TMEFF1: variants seen among roughly 807,000 people sequenced by gnomAD.
The protein encoded by TMEFF1 is tomoregulin-1.
In TMEFF1, 20 loss-of-function variants were observed where a neutral mutation model predicts 47.5. The ratio of observed to expected loss-of-function variants is 0.42; its 90% CI spans 0.30 to 0.61. The LOEUF is 0.61. Ranked by LOEUF, TMEFF1 falls within the 20% of genes least tolerant of loss-of-function variation. TMEFF1 has a pLI of 0.19. For synonymous variants in TMEFF1, 162 were observed against 166.3 expected, an observed-to-expected ratio of 0.97 and a Z score of 0.20; for missense variants, 411 against 471.1, an observed-to-expected ratio of 0.87 and a Z score of 1.18.
chr9:100,500,054 G>A (rs1348413612), intron 2 of TMEFF1, among the ~76,000 whole-genome samples: 1 of 152,120 alleles, frequency 6.6e-6, no homozygotes, highest in Admixed American at 6.5e-5. Context: ...CTGTTGGCTG[G>A]AGACATCATT....
intron 5 of TMEFF1, among the ~76,000 whole-genome samples, chr9:100,525,533 A>G (rs1175897388): frequency 2.0e-5 from 3 of 152,140 alleles, no homozygotes; most frequent in African/African-American, 7.2e-5. Flanking sequence ...TGCACCACCG[A>G]GATGTGCTCC....
Position 100,572,524 on chromosome 9 carries a change from A to C in TMEFF1, c.906A>C (p.Glu302Asp). 6.3e-7 allele frequency: 1 copy of C among 1,584,494 alleles called. No homozygotes were observed. The highest frequency in any genetic ancestry group is 8.6e-7 in the Non-Finnish European group (1 of 1,168,218). ...YSTQKASCRC[E>D]SGYTGQHCEK... ...ATATATTTTTCCTTTTCAGATGTGA[A>C]TCTGGCTACACTGGACAGCACTGTG... is the stretch of plus-strand genomic sequence containing the variant. Residue 302 changes from glutamate to aspartate, a missense_variant, in exon 9 of 10, where the codon GAA (glutamate) becomes GAC (aspartate). Physicochemically the swap from Glu to Asp is conservative, Grantham distance 45 (BLOSUM62 2). Coordinates refer to ENST00000374879, the MANE Select transcript of TMEFF1 (RefSeq NM_003692.5).
Position 100,473,224 on chromosome 9 carries a change from C to A in TMEFF1, c.-321C>A. On this transcript the variant is annotated 5_prime_UTR_variant, in exon 1 of 10. Transcript: ENST00000374879. The surrounding 1 kb of genome is among the most constrained non-coding windows in gnomAD (Gnocchi z 5.4). ...GGCGAGCAAGAGGCTGGGCCTGCCT[C>A]CGGCCCGCGACCCCCGCCCGCCGCG... The A allele has an allele frequency of 6.7e-6, 1 of 149,864 alleles. No individual in the cohort carries two copies. The highest frequency in any genetic ancestry group is 1.8e-4 in the South Asian group (1 of 5,526). The allele number at this position is 149,864 out of a possible 1,614,324, so 9.3% of individuals were successfully genotyped here.
At chr9:100,534,502 AC>A (rs1215666682) in intron 5 of TMEFF1, among the ~76,000 whole-genome samples, 1 of 151,892 alleles carries the variant, frequency 6.6e-6, no homozygotes, top group Non-Finnish European at 1.5e-5. Context: ...GGGCATCCTG[AC>A]CTCTGCTACG....
intron 5 of TMEFF1, among the ~76,000 whole-genome samples, chr9:100,539,337 G>A (rs1838578771): frequency 6.6e-6 from 1 of 152,168 alleles, no homozygotes; most frequent in African/African-American, 2.4e-5. Context: ...GTCCGGAATT[G>A]GTGGGTTTTT....
At position 100,473,635 on chromosome 9, in the gene TMEFF1, G is replaced by A; in HGVS notation, c.91G>A (p.Ala31Thr). 6.4e-7 allele frequency: 1 copy of A among 1,557,198 alleles called. No individual in the cohort carries two copies. The highest frequency in any genetic ancestry group is 8.7e-7 in the Non-Finnish European group (1 of 1,151,646). ...CTACACGTCGGTGCTTCTGCTCTTC[G>A]CCTTCTCTCTGCCCGGGAGCCGCGC... ...CCYTSVLLLF[A>T]FSLPGSRASN... Residue 31 changes from alanine (A) to threonine (T), a missense_variant, in exon 1 of 10, where the codon GCC becomes ACC. Ala to Thr is a moderately conservative substitution (Grantham distance 58, BLOSUM62 0). Transcript: ENST00000374879. The surrounding 1 kb of genome is among the most constrained non-coding windows in gnomAD (Gnocchi z 5.4).
At chr9:100,531,426 AT>A (rs1243603484) in intron 5 of TMEFF1, among the ~76,000 whole-genome samples, 2 of 152,208 alleles carry the variant, frequency 1.3e-5, no homozygotes, top group African/African-American at 4.8e-5. Context: ...AATCACAAGC[AT>A]TCTTATACAC....
At chr9:100,549,963 T>C in intron 6 of TMEFF1, 132 bp from the exon 7 acceptor site, 1 of 1,046,148 alleles carries the variant, frequency 9.6e-7, no homozygotes. Context: ...ATTTAGAGAA[T>C]GGTAGACAAC....
chr9:100,570,956 T>C (rs1839228002), intron 8 of TMEFF1, among the ~76,000 whole-genome samples: 1 of 152,172 alleles, frequency 6.6e-6, no homozygotes, highest in Non-Finnish European at 1.5e-5. Flanking sequence ...ATGTAAATTG[T>C]CTGTTAAGTG....
At chr9:100,550,802 A>G (rs1838817091) in intron 7 of TMEFF1, among the ~76,000 whole-genome samples, 1 of 152,206 alleles carries the variant, frequency 6.6e-6, no homozygotes, top group Non-Finnish European at 1.5e-5. Flanking sequence ...CTGGTACATA[A>G]GTAGGTACTC....
chr9:100,537,096 A>G (rs11791788), intron 5 of TMEFF1, among the ~76,000 whole-genome samples: 1,821 of 152,314 alleles, frequency 0.012, 11 homozygotes, highest in Non-Finnish European at 0.016. Context: ...GTTTCAGACA[A>G]TAGTGGTGAC....
intron 5 of TMEFF1, among the ~76,000 whole-genome samples, chr9:100,528,515 A>G (rs1395547600): frequency 6.9e-6 from 1 of 145,748 alleles, no homozygotes; most frequent in Non-Finnish European, 1.5e-5. Flanking sequence ...AATGAATGAA[A>G]TGAAGCGAGA....
At chr9:100,529,147 G>A (rs1214803899) in intron 5 of TMEFF1, among the ~76,000 whole-genome samples, 1 of 149,894 alleles carries the variant, frequency 6.7e-6, no homozygotes, top group African/African-American at 2.4e-5. Context: ...ATGCCAAAAT[G>A]TAAAGACCAT....
rs906084840 is a variant in TMEFF1 at position 100,535,982 on chromosome 9, A to G, written c.561-11762A>G. Among the ~76,000 whole-genome samples the G allele has an allele frequency of 2.6e-5, 4 of 152,312 alleles. No homozygotes were observed. In the South Asian group the frequency reaches 8.3e-4, roughly 32 times the overall value. ...TTATATTACTCCTTTAAAGACAAAT[A>G]TATATTTAGATTTGATATTTAATAT... On this transcript the variant is annotated intron_variant, in intron 5 of 9. Transcript: ENST00000374879.
chr9:100,569,877 C>A (rs1839192197), intron 8 of TMEFF1, among the ~76,000 whole-genome samples: 1 of 152,170 alleles, frequency 6.6e-6, no homozygotes, highest in Admixed American at 6.6e-5. Context: ...CACTACATTT[C>A]TTGAACCTAT....
At chr9:100,511,472 A>G (rs1564014158) in intron 3 of TMEFF1, among the ~76,000 whole-genome samples, 1 of 152,216 alleles carries the variant, frequency 6.6e-6, no homozygotes, top group Non-Finnish European at 1.5e-5. Context: ...GTTGTTAAAT[A>G]AGGATTGAAT....
intron 2 of TMEFF1, among the ~76,000 whole-genome samples, chr9:100,508,792 AT>A (rs1383427215): frequency 6.7e-6 from 1 of 150,284 alleles, no homozygotes; most frequent in East Asian, 2.0e-4. Flanking sequence ...TTTCATTCTC[AT>A]TTTTTTGGAT....
chr9:100,537,908 A>G (rs1838551280), intron 5 of TMEFF1, among the ~76,000 whole-genome samples: 1 of 152,164 alleles, frequency 6.6e-6, no homozygotes, highest in African/African-American at 2.4e-5. Flanking sequence ...ACTTTAGTGA[A>G]TATTCTTATG....
intron 3 of TMEFF1, 62 bp downstream of exon 3, chr9:100,509,196 G>A (rs1837915920): frequency 2.1e-6 from 3 of 1,416,966 alleles, no homozygotes; most frequent in Non-Finnish European, 2.8e-6. Context: ...TCTAAAAGGG[G>A]GTTTTGAGTC....
Sources: gnomAD v4.1 joint callset for allele counts (sites outside exome capture counted in the v4.1 genomes callset) on GRCh38, gnomAD v4.1.1 for gene constraint, Gnocchi (gnomAD v3.1) non-coding constraint, MANE v1.5 for transcripts, NCBI Gene and HGNC (gene_info 2026-07-23, HGNC 2026-07-21) for gene names.